CLASP1: variants seen among roughly 807,000 people sequenced by gnomAD.
CLASP1 encodes cytoplasmic linker associated protein 1.
Under a neutral mutation model 192.3 loss-of-function variants are expected in CLASP1, and 38 were observed. The ratio of observed to expected loss-of-function variants is 0.20; its 90% CI spans 0.15 to 0.26. The LOEUF is 0.26. CLASP1 is among the 10% of genes least tolerant of loss of function. The pLI, the probability that CLASP1 is intolerant of heterozygous loss-of-function variation, is 1.00. For missense variants in CLASP1, 1,433 were observed against 1,932.5 expected (o/e 0.74, Z 4.85); for synonymous variants, 691 against 712.8 (o/e 0.97, Z 0.49).
chr2:121,566,444 CTT>C (rs1184726262), intron 2 of CLASP1, among the ~76,000 whole-genome samples: 7 of 152,212 alleles, frequency 4.6e-5, no homozygotes, highest in Admixed American at 4.6e-4. Flanking sequence ...TTGGTCCTCT[CTT>C]GTTTTTCTTG....
intron 2 of CLASP1, among the ~76,000 whole-genome samples, chr2:121,550,121 A>C (rs1188568491): frequency 6.6e-6 from 1 of 152,128 alleles, no homozygotes; most frequent in East Asian, 1.9e-4. Flanking sequence ...AATTACATGT[A>C]AATTATACGA....
At chr2:121,500,147 A>G (rs2093685151) in intron 8 of CLASP1, among the ~76,000 whole-genome samples, 2 of 152,180 alleles carry the variant, frequency 1.3e-5, no homozygotes, top group South Asian at 4.1e-4. Context: ...TAAGCTGTAT[A>G]AGGTATGAAA....
chr2:121,540,598 C>T (rs933393112), intron 2 of CLASP1, among the ~76,000 whole-genome samples: 2 of 152,006 alleles, frequency 1.3e-5, no homozygotes, highest in Non-Finnish European at 1.5e-5. Flanking sequence ...ACCAGCCTGA[C>T]CAACATGGTG....
chr2:121,553,321 A>C (rs985602658), intron 2 of CLASP1, among the ~76,000 whole-genome samples: 1 of 152,198 alleles, frequency 6.6e-6, no homozygotes, highest in African/African-American at 2.4e-5. Flanking sequence ...ACAAACCTTC[A>C]CATGTACCCT....
chr2:121,518,621 A>C (rs989671295), intron 6 of CLASP1, among the ~76,000 whole-genome samples: 4 of 152,070 alleles, frequency 2.6e-5, no homozygotes, highest in African/African-American at 9.7e-5. Context: ...TAATCCCAGC[A>C]CTTTGGGTGG....
At chr2:121,598,265 C>A (rs908661119) in intron 2 of CLASP1, among the ~76,000 whole-genome samples, 1 of 152,138 alleles carries the variant, frequency 6.6e-6, no homozygotes, top group Non-Finnish European at 1.5e-5. Flanking sequence ...CTTCTACTAC[C>A]AAAGAAAGTT....
chr2:121,587,056 C>T (rs2061793497), intron 2 of CLASP1, among the ~76,000 whole-genome samples: 1 of 152,180 alleles, frequency 6.6e-6, no homozygotes, highest in African/African-American at 2.4e-5. Context: ...GCCTGGCCAG[C>T]ATGGTGAAAC....
chr2:121,491,204 C>T (rs924172915), intron 8 of CLASP1, among the ~76,000 whole-genome samples: 2 of 152,190 alleles, frequency 1.3e-5, no homozygotes, highest in Non-Finnish European at 2.9e-5. Flanking sequence ...ATACCCTGTA[C>T]ATTCATGTAT....
rs189628378 is a variant in CLASP1 at position 121,588,229 on chromosome 2, T to C, written c.195+17472A>G. ...CTTCACCAGTTTAACTCCCATTCCCTATAACATAATACCCAGTGATGGTTT... is the reference window on the plus strand; with the variant it reads ...CTTCACCAGTTTAACTCCCATTCCCCATAACATAATACCCAGTGATGGTTT... On this transcript the variant is annotated intron_variant, in intron 2 of 39. Coordinates refer to ENST00000263710, the Ensembl canonical transcript of CLASP1. Among the ~76,000 whole-genome samples the C allele has an allele frequency of 5.4e-5, 8 of 147,572 alleles. No individual in the cohort carries two copies. In the East Asian group the frequency reaches 1.7e-3, roughly 31 times the overall value.
chr2:121,387,643 G>A (rs1386735863), intron 31 of CLASP1, 120 bp downstream of exon 32: 1 of 968,376 alleles, frequency 1.0e-6, no homozygotes, highest in Admixed American at 2.4e-5. Flanking sequence ...TCCTCAGGAT[G>A]CTCGACATTT....
At chr2:121,507,556 C>G (rs1250137690) in intron 7 of CLASP1, among the ~76,000 whole-genome samples, 1 of 152,124 alleles carries the variant, frequency 6.6e-6, no homozygotes, top group Non-Finnish European at 1.5e-5. Flanking sequence ...ATACTTTGCC[C>G]TAGTTGTTAT....
At chr2:121,520,473 G>A (rs893837044) in intron 6 of CLASP1, among the ~76,000 whole-genome samples, 2 of 152,216 alleles carry the variant, frequency 1.3e-5, no homozygotes, top group African/African-American at 4.8e-5. Context: ...CTGTGGCAGG[G>A]CCGCATGGAA....
chr2:121,632,290 C>A (rs1242879061), intron 1 of CLASP1, among the ~76,000 whole-genome samples: 1 of 152,010 alleles, frequency 6.6e-6, no homozygotes, highest in African/African-American at 2.4e-5. Flanking sequence ...TCATCAAAAC[C>A]TCCAACGTGA....
chr2:121,513,526 T>C (rs566597618), intron 7 of CLASP1, among the ~76,000 whole-genome samples: 1 of 152,264 alleles, frequency 6.6e-6, no homozygotes, highest in East Asian at 1.9e-4. Flanking sequence ...TAACTCCAGC[T>C]CTGGCATCCA....
chr2:121,433,734 C>T (rs563641093), intron 19 of CLASP1, among the ~76,000 whole-genome samples: 1 of 152,216 alleles, frequency 6.6e-6, no homozygotes, highest in African/African-American at 2.4e-5. Flanking sequence ...CCAGCCTAGG[C>T]GACAAAGTGA....
intron 26 of CLASP1, chr2:121,402,496 T>A (rs1324342757): frequency 4.2e-6 from 2 of 478,380 alleles, no homozygotes; most frequent in Non-Finnish European, 8.3e-6. Flanking sequence ...AGGGGTCTCC[T>A]GTGAGACAGC....
At chr2:121,531,135 TCA>T (rs2094843152) in intron 2 of CLASP1, 3 of 619,274 alleles carry the variant, frequency 4.8e-6, no homozygotes, top group Admixed American at 2.4e-5. Flanking sequence ...TAAAGTTCTT[TCA>T]GTTTTTGCGG....
chr2:121,416,787 C>T (rs1334321080), intron 23 of CLASP1, among the ~76,000 whole-genome samples: 1 of 152,204 alleles, frequency 6.6e-6, no homozygotes, highest in Non-Finnish European at 1.5e-5. Flanking sequence ...CCTGGCTCCA[C>T]CATTTAGCTG....
chr2:121,453,073 A>G (rs940262200), intron 14 of CLASP1, among the ~76,000 whole-genome samples: 14 of 152,176 alleles, frequency 9.2e-5, no homozygotes, highest in Non-Finnish European at 1.9e-4. Context: ...GATCACCTGA[A>G]GCCAGGCATT....
Sources: gnomAD v4.1 joint callset for allele counts (sites outside exome capture counted in the v4.1 genomes callset) on GRCh38, gnomAD v4.1.1 for gene constraint, MANE v1.5 for transcripts, NCBI Gene and HGNC (gene_info 2026-07-23, HGNC 2026-07-21) for gene names.